ZZZ3: variants seen among roughly 807,000 people sequenced by gnomAD.
The protein encoded by ZZZ3 is ZZ-type zinc finger-containing protein 3.
Under a neutral mutation model 95.2 loss-of-function variants are expected in ZZZ3, and 22 were observed. The ratio of observed to expected loss-of-function variants is 0.23; its 90% CI spans 0.17 to 0.33. ZZZ3 has a LOEUF of 0.33. Ranked by LOEUF, ZZZ3 falls within the 10% of genes least tolerant of loss-of-function variation. ZZZ3 has a pLI of 1.00. For missense variants in ZZZ3, 885 were observed against 1,066.5 expected, an observed-to-expected ratio of 0.83 and a Z score of 2.37; for synonymous variants, 335 against 358.9, an observed-to-expected ratio of 0.93 and a Z score of 0.75.
chr1:77,579,595 G>A lies in ZZZ3; in HGVS notation c.2014C>T (p.Pro672Ser), dbSNP rs770155247. The stretch of plus-strand genomic sequence containing the variant: ...CAGCGTCGAGATTCTACTTCTTCAG[G>A]AGGGTATTTGATGAGTAGCTGTTCC... ...KLEQLLIKYP[P>S]EEVESRRWQK... The change falls in exon 10 of 15, where the codon CCT (proline) becomes TCT (serine). Residue 672 changes from proline to serine, a missense_variant. Transcript: ENST00000370801. 1 of 1,587,416 alleles carries A rather than the reference G, an allele frequency of 6.3e-7. No homozygotes were observed. Among genetic ancestry groups the A allele is most frequent in the Non-Finnish European group, 8.6e-7 (1 of 1,169,496 alleles).
chr1:77,609,031 T>C (rs1665519774), intron 5 of ZZZ3, among the ~76,000 whole-genome samples: 1 of 152,098 alleles, frequency 6.6e-6, no homozygotes. Context: ...AGTCTTTACT[T>C]ATCAGTAATA....
intron 5 of ZZZ3, among the ~76,000 whole-genome samples, chr1:77,606,226 G>A (rs1665217097): frequency 6.6e-6 from 1 of 152,218 alleles, no homozygotes; most frequent in African/African-American, 2.4e-5. Context: ...GGCCTGTGGT[G>A]ATGGTGGCCA....
chr1:77,671,113 T>C (rs1035708584), intron 1 of ZZZ3, among the ~76,000 whole-genome samples: 1 of 152,152 alleles, frequency 6.6e-6, no homozygotes, highest in African/African-American at 2.4e-5. Flanking sequence ...TTATTGACCC[T>C]TGTAGCCAAG....
At chr1:77,631,807 T>A (rs748749925) in intron 5 of ZZZ3, 43 bp downstream of exon 5, 2 of 1,440,864 alleles carry the variant, frequency 1.4e-6, no homozygotes, top group South Asian at 3.0e-5. Flanking sequence ...ACTTGGGGAA[T>A]AATAAACAAA....
In ZZZ3 at chr1:77,633,291, A is replaced by T. The variant is rs1557746917; in HGVS notation, c.64T>A (p.Ser22Thr). The change falls in exon 5 of 15, where the codon TCT becomes ACT. Residue 22 changes from serine (S) to threonine (T), a missense_variant. Physicochemically the swap from Ser to Thr is moderately conservative, Grantham distance 58 (BLOSUM62 1). Around this residue, in one of 5 missense-constraint regions of ZZZ3, gnomAD observed 556 missense variants for 652.9 expected, o/e 0.85. Transcript: ENST00000370801. ...STVGLNGLDE[S>T]FCGRTLRNRS... ...TTCCTTAAAGTTCTACCACAAAAAG[A>T]TTCATCCAAGCCGTTTAACCCCACT... The T allele has an allele frequency of 2.5e-6, 4 of 1,614,010 alleles. No individual in the cohort carries two copies. The highest frequency in any genetic ancestry group is 2.2e-5 in the East Asian group (1 of 44,870).
chr1:77,602,666 C>T (rs992835801), intron 5 of ZZZ3, among the ~76,000 whole-genome samples: 14 of 135,618 alleles, frequency 1.0e-4, no homozygotes, highest in African/African-American at 2.5e-4. Context: ...AGTGCAATGG[C>T]GTGATCAGGG....
Position 77,639,238 on chromosome 1 carries a change from C to A in ZZZ3, c.-52+211G>T, listed in dbSNP as rs146446993. Among the ~76,000 whole-genome samples, 222 of 151,772 alleles carry A rather than the reference C, an allele frequency of 1.5e-3. 2 individuals carry two copies. The highest frequency in any genetic ancestry group is 5.1e-3 in the African/African-American group (212 of 41,400). Reference sequence around the variant, plus strand: ...AAAATTCCAACATAATCAGTCACTTCATTTATACCCCATTGAAAAAAAAAG... The same window carrying A: ...AAAATTCCAACATAATCAGTCACTTAATTTATACCCCATTGAAAAAAAAAG... On this transcript the variant is annotated intron_variant, in intron 4 of 14. Transcript: ENST00000370801.
Position 77,639,589 on chromosome 1 carries a change from C to A in ZZZ3, c.-192G>T. ...GCTTCAGCCATGAAGAATACTAGAA[C>A]CTCCTAAATTTTTCTTTAAAATAAA... On this transcript the variant is annotated 5_prime_UTR_variant, in exon 4 of 15. Coordinates refer to ENST00000370801, the MANE Select transcript of ZZZ3 (RefSeq NM_015534.6). 3.3e-6 allele frequency: 2 copies of A among 607,346 alleles called. No homozygotes were observed. Among genetic ancestry groups the A allele is most frequent in the Non-Finnish European group, 5.0e-6 (2 of 396,360 alleles). 37.6% of individuals were successfully genotyped at this position (607,346 alleles called of 1,614,324 possible).
At chr1:77,670,624 A>G (rs867471976) in intron 1 of ZZZ3, among the ~76,000 whole-genome samples, 1 of 152,092 alleles carries the variant, frequency 6.6e-6, no homozygotes, top group East Asian at 1.9e-4. Context: ...AATTACACAC[A>G]AAAACAAAAT....
chr1:77,628,451 C>T (rs1290738015), intron 5 of ZZZ3, among the ~76,000 whole-genome samples: 4 of 152,118 alleles, frequency 2.6e-5, no homozygotes, highest in African/African-American at 4.8e-5. Context: ...TGGATTTATG[C>T]GCTAGAGAAG....
chr1:77,565,984 G>T (rs1660783046), intron 14 of ZZZ3, 97 bp downstream of exon 14: 1 of 1,136,144 alleles, frequency 8.8e-7, no homozygotes, highest in Admixed American at 2.6e-5. Flanking sequence ...CTAAGTGTGG[G>T]TATTAATATT....
chr1:77,635,935 C>T (rs1045541193), intron 4 of ZZZ3, among the ~76,000 whole-genome samples: 6 of 152,058 alleles, frequency 3.9e-5, no homozygotes, highest in African/African-American at 1.4e-4. Flanking sequence ...AGAACACAAA[C>T]TGAAATACAT....
chr1:77,570,662 T>C (rs1034527170), intron 12 of ZZZ3, among the ~76,000 whole-genome samples: 25 of 150,070 alleles, frequency 1.7e-4, no homozygotes, highest in Admixed American at 4.7e-4. Context: ...ATTTTTATTA[T>C]TTTATTATTA....
chr1:77,584,678 T>A, intron 5 of ZZZ3, 23 bp from the exon 6 acceptor site: 1 of 1,526,300 alleles, frequency 6.6e-7, no homozygotes, highest in African/African-American at 1.4e-5. Context: ...AGAAAAATAT[T>A]TCACAAAAAT....
intron 5 of ZZZ3, chr1:77,584,963 A>G (rs1662942268): frequency 5.7e-6 from 1 of 175,390 alleles, no homozygotes; most frequent in Non-Finnish European, 1.2e-5. Context: ...AGAAACTGCT[A>G]GATAAAAAAA....
At chr1:77,652,526 A>C (rs1193327238) in intron 1 of ZZZ3, among the ~76,000 whole-genome samples, 1 of 152,202 alleles carries the variant, frequency 6.6e-6, no homozygotes, top group African/African-American at 2.4e-5. Context: ...GCTTTGGAAA[A>C]TAGTTTGGCA....
intron 1 of ZZZ3, among the ~76,000 whole-genome samples, chr1:77,674,237 A>C (rs1023981666): frequency 2.0e-5 from 3 of 152,230 alleles, no homozygotes; most frequent in African/African-American, 7.2e-5. Flanking sequence ...TGAGATCTCA[A>C]GGTACAAATC....
At chr1:77,574,624 A>T (rs1661744813) in intron 12 of ZZZ3, among the ~76,000 whole-genome samples, 1 of 152,174 alleles carries the variant, frequency 6.6e-6, no homozygotes, top group Admixed American at 6.5e-5. Context: ...CAGGAAATAT[A>T]CAAGATGAGC....
chr1:77,683,096 TCGC>T, upstream of ZZZ3, among the ~76,000 whole-genome samples: 1 of 5,078 alleles, frequency 2.0e-4, no homozygotes, highest in Non-Finnish European at 3.6e-4. Context: ...GGCTTCGCCG[TCGC>T]AGCCGTCGCA....
Sources: allele counts gnomAD v4.1 joint callset (sites outside exome capture counted in the v4.1 genomes callset), GRCh38; gene constraint gnomAD v4.1.1; regional missense constraint gnomAD v4.1.1; transcripts MANE v1.5; gene names NCBI Gene and HGNC (gene_info 2026-07-23, HGNC 2026-07-21).